The following CDH4 variants were observed in gnomAD, a reference collection of about 807,000 sequenced individuals.
CDH4 encodes cadherin-4.
A neutral mutation model predicts 86.0 loss-of-function variants in CDH4; 33 were observed. That is an observed-to-expected ratio of 0.38 (90% confidence interval 0.29 to 0.51). CDH4 has a LOEUF of 0.51. Among genes scored for constraint, CDH4 ranks in the 20% least tolerant of loss-of-function variants. The probability of loss-of-function intolerance (pLI) is 0.86; values close to 1 mark genes in which losing one functional copy is unlikely to be tolerated. For missense variants in CDH4, 1,114 were observed against 1,307.4 expected (o/e 0.85, Z 2.28); for synonymous variants, 555 against 549.4 (o/e 1.01, Z -0.14).
intron 2 of CDH4, among the ~76,000 whole-genome samples, chr20:61,365,997 TAGAC>T (rs2084809206): frequency 6.6e-6 from 1 of 152,120 alleles, no homozygotes; most frequent in Admixed American, 6.6e-5. Flanking sequence ...AATGCGGAAT[TAGAC>T]AGGCATGCAG....
chr20:61,852,656 C>T, intron 5 of CDH4, 98 bp from the exon 6 acceptor site: 1 of 1,285,072 alleles, frequency 7.8e-7, no homozygotes. Flanking sequence ...CCTGCTTCTG[C>T]CATCAGTCTC....
In CDH4 at chr20:61,837,205, G is replaced by T. The variant is rs546518448; in HGVS notation, c.577-7463G>T. ...AAGACCCTGTCTCAAAAAAAACGGGGTTTCACTTAGCACTTGCATCCCCCA... is the reference window on the plus strand; with the variant it reads ...AAGACCCTGTCTCAAAAAAAACGGGTTTTCACTTAGCACTTGCATCCCCCA... On this transcript the variant is annotated intron_variant, in intron 4 of 15. Coordinates refer to ENST00000614565, the MANE Select transcript of CDH4 (RefSeq NM_001794.5). Among the ~76,000 whole-genome samples the T allele has an allele frequency of 4.6e-5, 7 of 152,224 alleles. No homozygotes were observed. In the East Asian group the frequency reaches 1.4e-3, roughly 29 times the overall value.
At chr20:61,331,588 G>GCCCCGGCCACCTTCCCCAGA (rs2084573819) in intron 2 of CDH4, among the ~76,000 whole-genome samples, 1 of 19,182 alleles carries the variant, frequency 5.2e-5, no homozygotes, top group African/African-American at 2.4e-4. Flanking sequence ...CCTGCCCCAG[G>GCCCCGGCCACCTTCCCCAGA]CCCACCTCCT....
At chr20:61,871,724 A>G (rs1983811193) in intron 6 of CDH4, among the ~76,000 whole-genome samples, 1 of 152,216 alleles carries the variant, frequency 6.6e-6, no homozygotes, top group Non-Finnish European at 1.5e-5. Context: ...CCCTAGTTCC[A>G]GAGGCTGATG....
chr20:61,356,435 AGTT>A (rs1318234687), intron 2 of CDH4, among the ~76,000 whole-genome samples: 37 of 152,210 alleles, frequency 2.4e-4, no homozygotes, highest in Non-Finnish European at 4.3e-4. Context: ...CTTTACACCC[AGTT>A]GTTGATGAGT....
chr20:61,315,995 A>G (rs895127946), intron 2 of CDH4, among the ~76,000 whole-genome samples: 10 of 152,142 alleles, frequency 6.6e-5, no homozygotes, highest in Admixed American at 2.6e-4. Context: ...GGCGATTTCC[A>G]CAGGGCCCTG....
intron 2 of CDH4, among the ~76,000 whole-genome samples, chr20:61,335,058 A>G (rs1317323069): frequency 6.6e-6 from 1 of 152,230 alleles, no homozygotes; most frequent in Non-Finnish European, 1.5e-5. Context: ...GATACAAGAC[A>G]TCCAGCGAGT....
intron 2 of CDH4, among the ~76,000 whole-genome samples, chr20:61,576,021 G>T (rs936488461): frequency 6.6e-6 from 1 of 152,148 alleles, no homozygotes; most frequent in Non-Finnish European, 1.5e-5. Context: ...CTGAGTAGGA[G>T]GAAAAGGGAG....
chr20:61,493,090 C>T (rs2085637272), intron 2 of CDH4, among the ~76,000 whole-genome samples: 1 of 152,328 alleles, frequency 6.6e-6, no homozygotes, highest in South Asian at 2.1e-4. Context: ...CTAATAAAGT[C>T]ACTCAAACCC....
intron 4 of CDH4, among the ~76,000 whole-genome samples, chr20:61,785,684 AC>A (rs943939693): frequency 1.3e-5 from 2 of 152,146 alleles, no homozygotes; most frequent in Non-Finnish European, 2.9e-5. Flanking sequence ...CAGGGCTCCT[AC>A]CCAGGTGTGT....
intron 2 of CDH4, among the ~76,000 whole-genome samples, chr20:61,450,134 C>T (rs1398109869): frequency 6.6e-6 from 1 of 152,192 alleles, no homozygotes; most frequent in Non-Finnish European, 1.5e-5. Context: ...TTAGTGGATT[C>T]TTTTAAGTCT....
At chr20:61,775,390 A>T (rs566234082) in intron 4 of CDH4, among the ~76,000 whole-genome samples, 53 of 151,904 alleles carry the variant, frequency 3.5e-4, no homozygotes, top group African/African-American at 1.2e-3. Context: ...CCACCCCCAC[A>T]TTGCCCCTGG....
At chr20:61,913,311 A>G (rs892313206) in intron 9 of CDH4, among the ~76,000 whole-genome samples, 6 of 152,244 alleles carry the variant, frequency 3.9e-5, no homozygotes, top group Admixed American at 3.3e-4. Flanking sequence ...TAAGGACTCC[A>G]GGGAAGGTGG....
Position 61,623,249 on chromosome 20 carries a change from T to C in CDH4, c.170-120314T>C, listed in dbSNP as rs1358894835. ...CCACGCTGCACCCCACTCACCACAC[T>C]GCGGCGCCTGCTTTTTCCTTGAGCA... On this transcript the variant is annotated intron_variant, in intron 2 of 15. Transcript: ENST00000614565. This position sits in a 1 kb window ranked among gnomAD's most constrained non-coding sequence, Gnocchi z 4.4. Among the ~76,000 whole-genome samples, 1 of 152,136 alleles carries C rather than the reference T, an allele frequency of 6.6e-6. No homozygotes were observed. Among genetic ancestry groups the C allele is most frequent in the African/African-American group, 2.4e-5 (1 of 41,440 alleles).
chr20:61,345,912 C>T (rs1475299466), intron 2 of CDH4, among the ~76,000 whole-genome samples: 8 of 152,198 alleles, frequency 5.3e-5, no homozygotes, highest in South Asian at 4.1e-4. Flanking sequence ...GTCTTCTATT[C>T]GATCAATGTT....
chr20:61,464,370 T>C (rs1568854566), intron 2 of CDH4, among the ~76,000 whole-genome samples: 1 of 152,062 alleles, frequency 6.6e-6, no homozygotes, highest in Non-Finnish European at 1.5e-5. Flanking sequence ...GTGTTTGGAG[T>C]CTGTTCTAGG....
chr20:61,628,566 C>G (rs2427192), intron 2 of CDH4, among the ~76,000 whole-genome samples: 91,801 of 152,190 alleles, frequency 0.6, 27,926 homozygotes, highest in East Asian at 0.71. Context: ...AGGTGCCCTT[C>G]CTGCTACAGG....
chr20:61,452,748 G>C (rs2085387595), intron 2 of CDH4, among the ~76,000 whole-genome samples: 1 of 152,164 alleles, frequency 6.6e-6, no homozygotes, highest in African/African-American at 2.4e-5. Context: ...TATGTGTAAA[G>C]GCCTTGCAGG....
chr20:61,936,395 A>C (rs1176597766), intron 15 of CDH4, among the ~76,000 whole-genome samples: 1 of 888 alleles, frequency 1.1e-3, no homozygotes. Context: ...CCCCTCCCCC[A>C]CACCCCCTCC....
Sources: allele counts gnomAD v4.1 joint callset (sites outside exome capture counted in the v4.1 genomes callset), GRCh38; gene constraint gnomAD v4.1.1; non-coding constraint Gnocchi (gnomAD v3.1); transcripts MANE v1.5; gene names NCBI Gene and HGNC (gene_info 2026-07-23, HGNC 2026-07-21).